Variants in HSD17B3 observed in about 807,000 individuals in gnomAD.
HSD17B3 encodes the protein 17-beta-hydroxysteroid dehydrogenase type 3.
In HSD17B3, 29 loss-of-function variants were observed where a neutral mutation model predicts 41.1. That is an observed-to-expected ratio of 0.71 (90% CI 0.53 to 0.96). The LOEUF (loss-of-function observed/expected upper bound fraction) is 0.96, where lower values mean the gene tolerates loss of function less well. HSD17B3 is among the 40% of genes least tolerant of loss of function. The pLI, the probability that HSD17B3 is intolerant of heterozygous loss-of-function variation, is 0.00. For missense variants in HSD17B3, 323 were observed against 374.6 expected, an observed-to-expected ratio of 0.86 and a Z score of 1.14; for synonymous variants, 126 against 145.6, an observed-to-expected ratio of 0.87 and a Z score of 0.97.
chr9:96,264,888 A>G (rs1377673544), intron 2 of HSD17B3, among the ~76,000 whole-genome samples: 1 of 152,198 alleles, frequency 6.6e-6, no homozygotes, highest in African/African-American at 2.4e-5. Context: ...AGCTTTATCA[A>G]TTAATAAGAC....
At chr9:96,280,741 G>T (rs1252046090) in intron 2 of HSD17B3, among the ~76,000 whole-genome samples, 1 of 152,204 alleles carries the variant, frequency 6.6e-6, no homozygotes, top group Non-Finnish European at 1.5e-5. Flanking sequence ...GGTGAGGTAA[G>T]AGGTCAACAC....
At chr9:96,251,542 A>G in intron 4 of HSD17B3, 57 bp from the exon 5 acceptor site, 1 of 1,462,148 alleles carries the variant, frequency 6.8e-7, no homozygotes, top group Non-Finnish European at 9.6e-7. Context: ...AGATTTTCCC[A>G]AAGAACCATG....
At chr9:96,283,385 T>C (rs1375963781) in intron 2 of HSD17B3, among the ~76,000 whole-genome samples, 1 of 152,242 alleles carries the variant, frequency 6.6e-6, no homozygotes, top group East Asian at 1.9e-4. Context: ...TATGAAAATC[T>C]TACCTTATGG....
At chr9:96,260,102 A>G (rs1167476896) in intron 2 of HSD17B3, among the ~76,000 whole-genome samples, 1 of 152,086 alleles carries the variant, frequency 6.6e-6, no homozygotes, top group Non-Finnish European at 1.5e-5. Context: ...CTTTCCTGTC[A>G]CTTCTGGTAG....
chr9:96,300,209 GAC>G (rs55707445), intron 1 of HSD17B3, among the ~76,000 whole-genome samples: 7,324 of 116,084 alleles, frequency 0.063, 233 homozygotes, highest in Middle Eastern at 0.1. Context: ...ACCCCAAGAG[GAC>G]ACACACACAC....
intron 6 of HSD17B3, chr9:96,247,156 G>T (rs1406984344): frequency 1.3e-5 from 2 of 157,730 alleles, no homozygotes; most frequent in Non-Finnish European, 2.8e-5. Flanking sequence ...CCAGCCTAGA[G>T]ACCCCTGAAA....
Position 96,235,537 on chromosome 9 carries a change from A to T in HSD17B3, c.856T>A (p.Phe286Ile), listed in dbSNP as rs1564018781. 1 of 1,614,172 alleles carries T rather than the reference A, an allele frequency of 6.2e-7. No homozygotes were observed. Residue 286 changes from phenylalanine (F) to isoleucine (I), a missense_variant, in exon 11 of 11, where the codon TTC becomes ATC. By Grantham distance (21) the Phe-to-Ile change is conservative (BLOSUM62 0). Transcript: ENST00000375263. ...AGCCTTTGGAAGGCACCGCTGTAGA[A>T]GGCCCAGGCCGGGATCAGGCTCAGA... Reference protein sequence around the residue: ...GFLSLIPAWAFYSGAFQRLLL... With the variant: ...GFLSLIPAWAIYSGAFQRLLL...
At chr9:96,288,512 A>G (rs2479828) in intron 2 of HSD17B3, among the ~76,000 whole-genome samples, 139,095 of 152,138 alleles carry the variant, frequency 0.91, 63,720 homozygotes, top group African/African-American at 0.96. Context: ...CAAGTGAGAT[A>G]GCTCATTTCT....
At chr9:96,284,325 G>C (rs1368741001) in intron 2 of HSD17B3, among the ~76,000 whole-genome samples, 1 of 150,592 alleles carries the variant, frequency 6.6e-6, no homozygotes, top group East Asian at 1.9e-4. Context: ...TTTCTTTTGA[G>C]CTATTTAAAG....
At chr9:96,249,475 T>A in intron 6 of HSD17B3, 1 of 461,068 alleles carries the variant, frequency 2.2e-6, no homozygotes, top group Non-Finnish European at 3.9e-6. Context: ...GAATCCTGAA[T>A]ACGTTTCAGC....
intron 2 of HSD17B3, among the ~76,000 whole-genome samples, chr9:96,284,706 A>G (rs529107195): frequency 1.3e-5 from 2 of 152,320 alleles, no homozygotes; most frequent in Non-Finnish European, 2.9e-5. Context: ...AGAAGCCCCA[A>G]GTTATCTTGG....
At chr9:96,257,875 G>A (rs1825728534) in intron 2 of HSD17B3, among the ~76,000 whole-genome samples, 1 of 152,120 alleles carries the variant, frequency 6.6e-6, no homozygotes, top group African/African-American at 2.4e-5. Flanking sequence ...TGTTGGCCAG[G>A]CTGGTCTTGA....
chr9:96,301,725 A>G (rs572691236), intron 1 of HSD17B3, among the ~76,000 whole-genome samples: 241 of 147,794 alleles, frequency 1.6e-3, no homozygotes, highest in African/African-American at 5.6e-3. Flanking sequence ...AAAAAAAAAA[A>G]ACACCATTAG....
At chr9:96,263,551 AC>A (rs1319769506) in intron 2 of HSD17B3, among the ~76,000 whole-genome samples, 1 of 38,698 alleles carries the variant, frequency 2.6e-5, no homozygotes, top group African/African-American at 1.4e-4. Flanking sequence ...CCCCGTCTCT[AC>A]TAAAAAAAAA....
intron 2 of HSD17B3, among the ~76,000 whole-genome samples, chr9:96,261,000 TC>T (rs781199663): frequency 6.6e-6 from 1 of 152,096 alleles, no homozygotes. Flanking sequence ...TATTTTTTAT[TC>T]CCCCTCTCCT....
chr9:96,301,317 G>A (rs971647125), intron 1 of HSD17B3, among the ~76,000 whole-genome samples: 15 of 151,604 alleles, frequency 9.9e-5, no homozygotes, highest in Admixed American at 5.9e-4. Flanking sequence ...GGTGGCTCAC[G>A]CCTGTCATCC....
chr9:96,239,720 G>A (rs964060012), intron 10 of HSD17B3: 8 of 152,194 alleles, frequency 5.3e-5, no homozygotes, highest in African/African-American at 1.4e-4. Context: ...GCAGATGATG[G>A]GTAAGTGAGG....
chr9:96,235,544 G>C lies in HSD17B3; in HGVS notation c.849C>G (p.Ala283=). 1 of 1,614,110 alleles carries C rather than the reference G, an allele frequency of 6.2e-7. No homozygotes were observed. The highest frequency in any genetic ancestry group is 8.5e-7 in the Non-Finnish European group (1 of 1,180,028). ...GGAAGGCACCGCTGTAGAAGGCCCA[G>C]GCCGGGATCAGGCTCAGAAAGCCCG... ...ILAGFLSLIP[A]WAFYSGAFQR... is the part of the protein sequence containing the mutation. The change falls in exon 11 of 11, where the codon GCC becomes GCG. Residue 283 remains alanine, a synonymous_variant. Coordinates refer to ENST00000375263, the MANE Select transcript of HSD17B3 (RefSeq NM_000197.2).
intron 4 of HSD17B3, among the ~76,000 whole-genome samples, chr9:96,252,173 C>A (rs1825441546): frequency 6.6e-6 from 1 of 152,142 alleles, no homozygotes; most frequent in Non-Finnish European, 1.5e-5. Flanking sequence ...TTCCTTTAGG[C>A]CAATGTTTCT....
Sources: gnomAD v4.1 joint callset for allele counts (sites outside exome capture counted in the v4.1 genomes callset) on GRCh38, gnomAD v4.1.1 for gene constraint, MANE v1.5 for transcripts, NCBI Gene and HGNC (gene_info 2026-07-23, HGNC 2026-07-21) for gene names.